The following RAF1 variants were observed in gnomAD, a reference collection of about 807,000 sequenced individuals.
The protein encoded by RAF1 is Raf-1 proto-oncogene, serine/threonine kinase.
A neutral mutation model predicts 81.1 loss-of-function variants in RAF1; 27 were observed. The observed-to-expected ratio is 0.33, with a 90% CI of 0.25 to 0.46. The LOEUF (loss-of-function observed/expected upper bound fraction) is 0.46. Ranked by LOEUF, RAF1 falls within the 20% of genes least tolerant of loss-of-function variation. The pLI, the probability that RAF1 is intolerant of heterozygous loss-of-function variation, is 1.00. For synonymous variants in RAF1, 298 were observed against 294.0 expected, an observed-to-expected ratio of 1.01 and a Z score of -0.14; for missense variants, 598 against 826.0, an observed-to-expected ratio of 0.72 and a Z score of 3.38.
chr3:12,603,363 G>T, intron 8 of RAF1: 2 of 546,462 alleles, frequency 3.7e-6, no homozygotes, highest in South Asian at 5.3e-5. Context: ...GGAAACAAGT[G>T]ACAAGAAATA....
Position 12,600,440 on chromosome 3 carries a change from C to A in RAF1, c.895-25G>T. The A allele has an allele frequency of 1.9e-6, 3 of 1,613,712 alleles. No homozygotes were observed. In the South Asian group the frequency reaches 3.3e-5, roughly 18 times the overall value. On this transcript the variant is annotated intron_variant, in intron 8 of 17. Transcript: ENST00000442415. ...CCTGAAACAGAAAAGGAAAGCTGGT[C>A]AACTCCTACACACAAAAGATTTTCT...
intron 1 of RAF1, among the ~76,000 whole-genome samples, chr3:12,656,118 T>C (rs940642048): frequency 8.3e-5 from 12 of 144,524 alleles, no homozygotes; most frequent in Admixed American, 2.9e-4. Context: ...GGGTCCATTT[T>C]GCATTGTCAG....
intron 1 of RAF1, among the ~76,000 whole-genome samples, chr3:12,645,838 A>C (rs2060332844): frequency 6.6e-6 from 1 of 152,036 alleles, no homozygotes; most frequent in African/African-American, 2.4e-5. Flanking sequence ...CCTCCCAAAG[A>C]GCTGGGATTA....
At chr3:12,616,799 A>AAGGAAGAGG (rs2059380412) in intron 2 of RAF1, among the ~76,000 whole-genome samples, 3 of 152,228 alleles carry the variant, frequency 2.0e-5, no homozygotes, top group Admixed American at 2.0e-4. Flanking sequence ...GAGGATGGGA[A>AAGGAAGAGG]AGGAAGAGGC....
intron 1 of RAF1, among the ~76,000 whole-genome samples, chr3:12,655,999 G>A (rs4684871): frequency 0.59 from 88,827 of 150,502 alleles, 26,781 homozygotes; most frequent in East Asian, 0.92. Context: ...GAGTAGTGGC[G>A]ATGGTTTTAA....
intron 6 of RAF1, 77 bp from the exon 7 acceptor site, chr3:12,604,366 T>A (rs2058961859): frequency 6.7e-7 from 1 of 1,484,940 alleles, no homozygotes; most frequent in Non-Finnish European, 9.2e-7. Flanking sequence ...CATATTTGAC[T>A]AAGTAAGATG....
chr3:12,661,043 T>C (rs981785534), intron 1 of RAF1, among the ~76,000 whole-genome samples: 1 of 152,246 alleles, frequency 6.6e-6, no homozygotes, highest in Non-Finnish European at 1.5e-5. Context: ...CAAATGTTTA[T>C]GTTGCATTTT....
At chr3:12,658,108 T>G (rs900458114) in intron 1 of RAF1, among the ~76,000 whole-genome samples, 1 of 152,186 alleles carries the variant, frequency 6.6e-6, no homozygotes, top group Non-Finnish European at 1.5e-5. Context: ...TTCCATCACA[T>G]AGTAGTGCTT....
In RAF1 at chr3:12,584,929, T is replaced by A; in HGVS notation, c.1781A>T (p.Tyr594Phe). 8 of 1,614,190 alleles carry A rather than the reference T, an allele frequency of 5.0e-6. No individual in the cohort carries two copies. Among genetic ancestry groups the A allele is most frequent in the Non-Finnish European group, 6.8e-6 (8 of 1,180,038 alleles). Residue 594 changes from tyrosine (Y) to phenylalanine (F), a missense_variant, in exon 17 of 18, where the codon TAT becomes TTT. Coordinates refer to ENST00000442415, the MANE Select transcript of RAF1 (RefSeq NM_001354689.3). ...CTTCATTGCTTTGGGGCAGTTCTTA[T>A]ATAGCTTACTAAGATCTGGGGAGGC... is the stretch of plus-strand genomic sequence containing the variant.
intron 3 of RAF1, among the ~76,000 whole-genome samples, chr3:12,610,241 C>T (rs1232860069): frequency 6.6e-6 from 1 of 152,150 alleles, no homozygotes. Flanking sequence ...ACCATTCAAG[C>T]CTCTCCATTA....
intron 2 of RAF1, among the ~76,000 whole-genome samples, chr3:12,617,871 T>G (rs1425405327): frequency 9.1e-6 from 1 of 110,468 alleles, no homozygotes; most frequent in South Asian, 3.6e-4. Flanking sequence ...AGAGTGAGAA[T>G]CCGTCTCAAA....
At chr3:12,639,121 T>C (rs2060111891) in intron 1 of RAF1, among the ~76,000 whole-genome samples, 1 of 152,056 alleles carries the variant, frequency 6.6e-6, no homozygotes, top group Admixed American at 6.6e-5. Context: ...AAATCAAAAC[T>C]ACGTGATTAT....
intron 1 of RAF1, among the ~76,000 whole-genome samples, chr3:12,642,671 T>TGCAC (rs1280842946): frequency 8.5e-6 from 1 of 117,014 alleles, no homozygotes; most frequent in Non-Finnish European, 1.7e-5. Flanking sequence ...ACACCATCTC[T>TGCAC]ACACACACAC....
At chr3:12,623,861 CTTT>C (rs111653370) in intron 1 of RAF1, among the ~76,000 whole-genome samples, 1 of 134,872 alleles carries the variant, frequency 7.4e-6, no homozygotes, top group African/African-American at 2.8e-5. Context: ...TTTCTTTTTT[CTTT>C]TTTTTTTTTT....
chr3:12,615,066 G>A (rs911390228), intron 2 of RAF1, among the ~76,000 whole-genome samples: 1 of 152,216 alleles, frequency 6.6e-6, no homozygotes, highest in Admixed American at 6.5e-5. Flanking sequence ...AGAGAAGCTT[G>A]AGAAAATATA....
At chr3:12,600,324 A>G (rs1428237701) in intron 9 of RAF1, 45 bp from the exon 9 acceptor site, 1 of 1,614,126 alleles carries the variant, frequency 6.2e-7, no homozygotes, top group Non-Finnish European at 8.5e-7. Flanking sequence ...ATAAGCCAAC[A>G]GAAGATACAC....
chr3:12,628,761 G>GT (rs907651835), intron 1 of RAF1, among the ~76,000 whole-genome samples: 9 of 137,636 alleles, frequency 6.5e-5, no homozygotes, highest in Middle Eastern at 3.7e-3. Flanking sequence ...TGGGGGGGGG[G>GT]GGTGGCGGGG....
chr3:12,586,825 GA>G (rs1402225832), intron 14 of RAF1: 1 of 152,144 alleles, frequency 6.6e-6, no homozygotes, highest in African/African-American at 2.4e-5. Context: ...GTACCTTTGA[GA>G]AAGACCATTT....
chr3:12,592,058 C>G (rs2058532622), intron 11 of RAF1: 1 of 497,698 alleles, frequency 2.0e-6, no homozygotes, highest in African/African-American at 1.9e-5. Flanking sequence ...GATTATAGGT[C>G]CAATCTCTAC....
Sources: gnomAD v4.1 joint callset for allele counts (sites outside exome capture counted in the v4.1 genomes callset) on GRCh38, gnomAD v4.1.1 for gene constraint, MANE v1.5 for transcripts, NCBI Gene and HGNC (gene_info 2026-07-23, HGNC 2026-07-21) for gene names.